The following MTSS1 variants were observed in gnomAD, a reference collection of about 807,000 sequenced individuals.
The protein encoded by MTSS1 is protein MTSS 1.
Under a neutral mutation model 79.0 loss-of-function variants are expected in MTSS1, and 18 were observed. The observed-to-expected ratio is 0.23, with a 90% CI of 0.16 to 0.34. MTSS1 has a LOEUF of 0.34. MTSS1 is among the 10% of genes least tolerant of loss of function. The probability of loss-of-function intolerance (pLI) is 1.00; values close to 1 mark genes in which losing one functional copy is unlikely to be tolerated. For synonymous variants in MTSS1, 341 were observed against 368.6 expected (o/e 0.93, Z 0.86); for missense variants, 815 against 986.2 (o/e 0.83, Z 2.33).
chr8:124,589,070 G>T (rs149933799), intron 5 of MTSS1, among the ~76,000 whole-genome samples: 1 of 150,238 alleles, frequency 6.7e-6, no homozygotes, highest in Non-Finnish European at 1.5e-5. Context: ...TCACTCTGTC[G>T]TCCAGGCTGG....
At chr8:124,642,645 T>G (rs2134016109) in intron 3 of MTSS1, among the ~76,000 whole-genome samples, 1 of 152,310 alleles carries the variant, frequency 6.6e-6, no homozygotes, top group East Asian at 1.9e-4. Context: ...CAGTCTGCAT[T>G]GCAATGGCAT....
chr8:124,653,322 G>T (rs1820344451), intron 3 of MTSS1, among the ~76,000 whole-genome samples: 1 of 152,206 alleles, frequency 6.6e-6, no homozygotes, highest in Non-Finnish European at 1.5e-5. Context: ...CCATCACATT[G>T]AAATAAAATA....
chr8:124,590,500 G>A (rs1284942821), intron 4 of MTSS1, among the ~76,000 whole-genome samples: 1 of 152,156 alleles, frequency 6.6e-6, no homozygotes, highest in East Asian at 1.9e-4. Flanking sequence ...GAAAATTCTC[G>A]AGCTGCACTG....
intron 3 of MTSS1, among the ~76,000 whole-genome samples, chr8:124,637,049 T>C (rs1162520849): frequency 3.3e-5 from 5 of 152,150 alleles, no homozygotes; most frequent in African/African-American, 1.2e-4. Context: ...ATCTTACATG[T>C]TCCCTTATTT....
chr8:124,701,419 G>A (rs1404851037), intron 2 of MTSS1, among the ~76,000 whole-genome samples: 1 of 152,144 alleles, frequency 6.6e-6, no homozygotes, highest in East Asian at 1.9e-4. Flanking sequence ...AGTAGGGCAA[G>A]AAAACATTCT....
intron 3 of MTSS1, among the ~76,000 whole-genome samples, chr8:124,630,728 C>A (rs936054235): frequency 6.6e-6 from 1 of 152,202 alleles, no homozygotes; most frequent in African/African-American, 2.4e-5. Context: ...TACCTACTTA[C>A]AAGGTGGTTT....
intron 3 of MTSS1, among the ~76,000 whole-genome samples, chr8:124,665,304 T>G (rs1488761926): frequency 6.6e-6 from 1 of 152,234 alleles, no homozygotes; most frequent in Non-Finnish European, 1.5e-5. Context: ...CTAATTCTAT[T>G]TTTCTCTTCG....
chr8:124,618,042 T>G (rs1392752294), intron 3 of MTSS1, among the ~76,000 whole-genome samples: 1 of 152,168 alleles, frequency 6.6e-6, no homozygotes, highest in Non-Finnish European at 1.5e-5. Flanking sequence ...ACTCACCCCT[T>G]CTAAATGGAC....
chr8:124,670,357 G>T (rs1823896822), intron 3 of MTSS1, among the ~76,000 whole-genome samples: 1 of 142,118 alleles, frequency 7.0e-6, no homozygotes, highest in Admixed American at 7.0e-5. Flanking sequence ...TGGCAAAGGA[G>T]ATTACACTCA....
intron 1 of MTSS1, among the ~76,000 whole-genome samples, chr8:124,720,563 G>C (rs538635381): frequency 2.1e-4 from 32 of 152,284 alleles, no homozygotes; most frequent in Non-Finnish European, 3.4e-4. Context: ...TAAACAAACA[G>C]TAGGGTTTGC....
At chr8:124,630,825 A>G (rs571522717) in intron 3 of MTSS1, among the ~76,000 whole-genome samples, 99 of 152,362 alleles carry the variant, frequency 6.5e-4, no homozygotes, top group Non-Finnish European at 1.2e-3. Flanking sequence ...CTATCAACAC[A>G]TAAAGCTTAG....
intron 3 of MTSS1, among the ~76,000 whole-genome samples, chr8:124,612,228 C>T (rs1439279744): frequency 6.6e-6 from 1 of 152,188 alleles, no homozygotes; most frequent in East Asian, 1.9e-4. Context: ...CAGCTCCTGA[C>T]CACAAGGCAG....
intron 6 of MTSS1, chr8:124,580,589 G>A (rs1385328852): frequency 6.5e-7 from 1 of 1,535,656 alleles, no homozygotes; most frequent in African/African-American, 1.4e-5. Context: ...CGGTGAGAAA[G>A]TGCAGGATAC....
In MTSS1 at chr8:124,601,983, G is replaced by A. The variant is rs529044996; in HGVS notation, c.209-10748C>T. On this transcript the variant is annotated intron_variant, in intron 3 of 13. Transcript: ENST00000518547. ...CTGAATTCTAATAAGAGAAGAGGAA[G>A]CTCAATTCTTAGGCCTGGAAAAGTT... is the stretch of plus-strand genomic sequence containing the variant. Among the ~76,000 whole-genome samples, 4 of 152,036 alleles carry A rather than the reference G, an allele frequency of 2.6e-5. No homozygotes were observed. In the South Asian group the frequency reaches 8.3e-4, roughly 32 times the overall value.
intron 1 of MTSS1, among the ~76,000 whole-genome samples, chr8:124,723,587 A>G (rs1445458436): frequency 1.3e-5 from 2 of 152,354 alleles, no homozygotes; most frequent in East Asian, 1.9e-4. Context: ...TTGGCACCCA[A>G]AAAACCAAAA....
At chr8:124,687,030 G>A (rs978810287) in intron 3 of MTSS1, among the ~76,000 whole-genome samples, 1 of 152,156 alleles carries the variant, frequency 6.6e-6, no homozygotes, top group African/African-American at 2.4e-5. Flanking sequence ...TGGGCAAGTC[G>A]AGAACCCCAA....
Position 124,562,890 on chromosome 8 carries a change from C to T in MTSS1, c.927G>A (p.Gln309=), listed in dbSNP as rs1328315452. The T allele has an allele frequency of 6.2e-7, 1 of 1,614,000 alleles. No homozygotes were observed. Among genetic ancestry groups the T allele is most frequent in the Non-Finnish European group, 8.5e-7 (1 of 1,180,000 alleles). ...ACACGCTGGACAGCCTCACAGGAGC[C>T]TGCTGGGCCAGGTTGGAGCTGCGGT... ...YRYRSSNLAQ[Q]APVRLSSVSS... The change falls in exon 10 of 14, where the codon CAG becomes CAA. Residue 309 remains glutamine (Q), a synonymous_variant. Coordinates refer to ENST00000518547, the MANE Select transcript of MTSS1 (RefSeq NM_014751.6).
chr8:124,640,699 A>G (rs770854093), intron 3 of MTSS1, among the ~76,000 whole-genome samples: 1 of 152,028 alleles, frequency 6.6e-6, no homozygotes, highest in Non-Finnish European at 1.5e-5. Flanking sequence ...GCCCGCCCCC[A>G]TGCCCGGCTA....
intron 3 of MTSS1, among the ~76,000 whole-genome samples, chr8:124,623,700 C>T (rs145604443): frequency 1.1e-3 from 162 of 152,264 alleles, no homozygotes; most frequent in Middle Eastern, 3.4e-3. Flanking sequence ...TGTGCAGTGG[C>T]GTGATCTCAG....
Sources: gnomAD v4.1 joint callset for allele counts (sites outside exome capture counted in the v4.1 genomes callset) on GRCh38, gnomAD v4.1.1 for gene constraint, MANE v1.5 for transcripts, NCBI Gene and HGNC (gene_info 2026-07-23, HGNC 2026-07-21) for gene names.